Variants in FBXL3 observed in about 807,000 individuals in gnomAD.
FBXL3 encodes the protein F-box/LRR-repeat protein 3.
In FBXL3, 14 loss-of-function variants were observed where a neutral mutation model predicts 37.9. That is an observed-to-expected ratio of 0.37 (90% CI 0.24 to 0.58). The LOEUF (loss-of-function observed/expected upper bound fraction) is 0.58, where lower values mean the gene tolerates loss of function less well. Ranked by LOEUF, FBXL3 falls within the 20% of genes least tolerant of loss-of-function variation. The pLI is 0.74. For synonymous variants in FBXL3, 194 were observed against 180.1 expected (o/e 1.08, Z -0.62); for missense variants, 327 against 511.1 (o/e 0.64, Z 3.47).
At chr13:77,025,836 T>C (rs2034828887) in intron 1 of FBXL3, among the ~76,000 whole-genome samples, 2 of 152,188 alleles carry the variant, frequency 1.3e-5, no homozygotes, top group African/African-American at 4.8e-5. Context: ...TAGTTAACTC[T>C]AAAAAGCCTA....
intron 4 of FBXL3, among the ~76,000 whole-genome samples, chr13:77,011,520 G>A (rs1415746628): frequency 6.6e-6 from 1 of 151,904 alleles, no homozygotes; most frequent in South Asian, 2.1e-4. Flanking sequence ...CCATGAGTTC[G>A]AGACTAGCCT....
chr13:77,022,744 T>C (rs2034767579), intron 1 of FBXL3, among the ~76,000 whole-genome samples: 1 of 152,358 alleles, frequency 6.6e-6, no homozygotes, highest in African/African-American at 2.4e-5. Flanking sequence ...ATTATACCTA[T>C]TTGTTTATTC....
chr13:77,016,141 T>C (rs2034638864), intron 3 of FBXL3: 1 of 152,210 alleles, frequency 6.6e-6, no homozygotes, highest in African/African-American at 2.4e-5. Context: ...ATCTACAATA[T>C]TTTCAAGTCT....
intron 2 of FBXL3, among the ~76,000 whole-genome samples, chr13:77,019,433 T>C (rs2034702556): frequency 1.3e-5 from 2 of 152,194 alleles, no homozygotes; most frequent in Admixed American, 1.3e-4. Context: ...GTTAAAAGGA[T>C]ATTATTAATT....
rs935890211 is a variant in FBXL3 at position 77,027,146 on chromosome 13, C to T, written c.-321G>A. Reference sequence around the variant, plus strand: ...GCGTAAGCTTCCTGCACCTGGGCCACAAACAGCGAGTCTAAAATGGCGCCC... The same window carrying T: ...GCGTAAGCTTCCTGCACCTGGGCCATAAACAGCGAGTCTAAAATGGCGCCC... On this transcript the variant is annotated 5_prime_UTR_variant, in exon 1 of 5. It adds an upstream start codon to the 5' untranslated region. Transcript: ENST00000355619. The T allele has an allele frequency of 4.1e-5, 6 of 147,578 alleles. No homozygotes were observed. The highest frequency in any genetic ancestry group is 1.5e-4 in the African/African-American group (6 of 39,798). The allele number at this position is 147,578 out of a possible 1,614,324, so 9.1% of individuals were successfully genotyped here. A position where few individuals can be genotyped will look rare whatever the true frequency, so the allele number is the denominator to read the frequency against.
rs754093926 is a variant in FBXL3 at position 77,021,832 on chromosome 13, C to A, written c.29G>T (p.Arg10Leu). The change falls in exon 2 of 5, where the codon CGT becomes CTT. Residue 10 changes from arginine (R) to leucine (L), a missense_variant. Transcript: ENST00000355619. Reference protein sequence around the residue: MKRGGRDSDRNSSEEGTAEK... With the variant: MKRGGRDSDLNSSEEGTAEK... ...TGCAGTTCCTTCTTCTGATGAATTA[C>A]GGTCACTATCTCTTCCTCCTCGTTT... 27 of 1,611,890 alleles carry A rather than the reference C, an allele frequency of 1.7e-5. No individual in the cohort carries two copies. The highest frequency in any genetic ancestry group is 2.2e-5 in the Non-Finnish European group (26 of 1,179,154).
chr13:77,025,747 G>A (rs1181750255), intron 1 of FBXL3, among the ~76,000 whole-genome samples: 1 of 150,130 alleles, frequency 6.7e-6, no homozygotes, highest in Non-Finnish European at 1.5e-5. Flanking sequence ...GTGAAGACCG[G>A]AAGTGAACAG....
At position 77,007,302 on chromosome 13, in the gene FBXL3, AC is replaced by A; in HGVS notation, c.1129del (p.Val377LeufsTer4). The A allele has an allele frequency of 1.2e-6, 2 of 1,614,170 alleles. No individual in the cohort carries two copies. Among genetic ancestry groups the A allele is most frequent in the Non-Finnish European group, 1.7e-6 (2 of 1,180,016 alleles). On this transcript the variant is annotated frameshift_variant, in exon 5 of 5. Coordinates refer to ENST00000355619, the MANE Select transcript of FBXL3 (RefSeq NM_012158.4). LOFTEE classifies it high-confidence loss of function. ...GECEVSCSAF[V>X]EFVKMCGGRL... is the part of the protein sequence containing the mutation. ...GCCACCACACATCTTCACAAACTCAACAAAGGCACTACATGAGACTTCACAT... is the reference window on the plus strand; with the variant it reads ...GCCACCACACATCTTCACAAACTCAAAAAGGCACTACATGAGACTTCACAT...
In FBXL3 at chr13:77,007,718, A is replaced by T; in HGVS notation, c.714T>A (p.Asp238Glu). ...ELALNYHLLS[D>E]ELLLALSSEK... ...CAGAAGACAATGCAAGTAACAACTCATCACTCAATAAGTGGTAGTTCAGGG... is the reference window on the plus strand; with the variant it reads ...CAGAAGACAATGCAAGTAACAACTCTTCACTCAATAAGTGGTAGTTCAGGG... Residue 238 changes from aspartate (D) to glutamate (E), a missense_variant, in exon 5 of 5, where the codon GAT becomes GAA. Asp to Glu is a conservative substitution (Grantham distance 45). Transcript: ENST00000355619. 1 of 1,614,046 alleles carries T rather than the reference A, an allele frequency of 6.2e-7. No individual in the cohort carries two copies. The highest frequency in any genetic ancestry group is 8.5e-7 in the Non-Finnish European group (1 of 1,179,942).
chr13:77,009,967 G>C (rs2034518916), intron 4 of FBXL3: 1 of 152,208 alleles, frequency 6.6e-6, no homozygotes, highest in Non-Finnish European at 1.5e-5. Flanking sequence ...CATGGATGAA[G>C]CTGGAAACCA....
At chr13:77,013,546 GC>G (rs2034591664) in intron 4 of FBXL3, 1 of 152,158 alleles carries the variant, frequency 6.6e-6, no homozygotes, top group African/African-American at 2.4e-5. Context: ...GGTAATCTGG[GC>G]CAACTGGTTC....
intron 4 of FBXL3, chr13:77,014,044 A>G (rs1349877271): frequency 6.6e-6 from 1 of 152,258 alleles, no homozygotes; most frequent in Non-Finnish European, 1.5e-5. Flanking sequence ...ATACACAGGT[A>G]GGAAATCTCA....
In FBXL3 at chr13:77,018,633, T is replaced by G; in HGVS notation, c.438A>C (p.Ser146=). 1 of 1,597,796 alleles carries G rather than the reference T, an allele frequency of 6.3e-7. No individual in the cohort carries two copies. The highest frequency in any genetic ancestry group is 1.1e-5 in the South Asian group (1 of 87,808). Residue 146 remains serine (S), a synonymous_variant, in exon 3 of 5, where the codon TCA becomes TCC. Coordinates refer to ENST00000355619, the MANE Select transcript of FBXL3 (RefSeq NM_012158.4). ...AATCCATAAAGCTTGGTCGAGCAGT[T>G]GAAATAAGTCCAAGTGTTTTTAAAG... is the stretch of plus-strand genomic sequence containing the variant. ...NCSLKTLGLI[S]TARPSFMDLP... is the part of the protein sequence containing the mutation.
intron 1 of FBXL3, chr13:77,026,317 G>A (rs1170441349): frequency 2.0e-6 from 2 of 985,306 alleles, no homozygotes; most frequent in African/African-American, 1.7e-5. Flanking sequence ...AGCGGCAGGG[G>A]CGTCCCCTCC....
intron 1 of FBXL3, among the ~76,000 whole-genome samples, chr13:77,022,218 C>T (rs1249150932): frequency 6.6e-6 from 1 of 152,126 alleles, no homozygotes; most frequent in Non-Finnish European, 1.5e-5. Context: ...GAACCTACAG[C>T]GATACTTTGT....
chr13:77,014,928 C>G (rs1236662063), intron 4 of FBXL3: 1 of 152,110 alleles, frequency 6.6e-6, no homozygotes, highest in Non-Finnish European at 1.5e-5. Context: ...GTTCTTGGCT[C>G]CAAAATTCAA....
intron 2 of FBXL3, among the ~76,000 whole-genome samples, chr13:77,020,887 C>CCA (rs2154037676): frequency 6.6e-6 from 1 of 152,234 alleles, no homozygotes; most frequent in South Asian, 2.1e-4. Context: ...CTACAGGTAC[C>CCA]CACATCCAGC....
intron 1 of FBXL3, among the ~76,000 whole-genome samples, chr13:77,023,343 A>AGT (rs201033841): frequency 0.012 from 1,719 of 139,748 alleles, 27 homozygotes; most frequent in African/African-American, 0.042. Flanking sequence ...GGAGAGAGAG[A>AGT]GAGTGTGTGT....
At chr13:77,026,569 A>T (rs924788392) in intron 1 of FBXL3, among the ~76,000 whole-genome samples, 7 of 152,156 alleles carry the variant, frequency 4.6e-5, no homozygotes, top group Non-Finnish European at 5.9e-5. Flanking sequence ...GGCAGGCTGC[A>T]GGCGGCCGCC....
Sources: gnomAD v4.1 joint callset for allele counts (sites outside exome capture counted in the v4.1 genomes callset) on GRCh38, gnomAD v4.1.1 for gene constraint, MANE v1.5 for transcripts, NCBI Gene and HGNC (gene_info 2026-07-23, HGNC 2026-07-21) for gene names.